The following ASAP3 variants were observed in gnomAD, a reference collection of about 807,000 sequenced individuals.
ASAP3 encodes ArfGAP with SH3 domain, ankyrin repeat and PH domain 3.
In ASAP3, 85 loss-of-function variants were observed where a neutral mutation model predicts 118.2. That is an observed-to-expected ratio of 0.72 (90% confidence interval 0.60 to 0.86). The LOEUF is 0.86. Ranked by LOEUF, ASAP3 falls within the 40% of genes least tolerant of loss-of-function variation. The pLI is 0.00. For missense variants in ASAP3, 1,026 were observed against 1,175.0 expected, an observed-to-expected ratio of 0.87 and a Z score of 1.85; for synonymous variants, 432 against 477.4, an observed-to-expected ratio of 0.90 and a Z score of 1.24.
At chr1:23,434,403 G>A (rs1173614900) in intron 18 of ASAP3, 34 bp from the exon 19 acceptor site, 4 of 1,611,192 alleles carry the variant, frequency 2.5e-6, no homozygotes, top group Non-Finnish European at 3.4e-6. Context: ...GAAAGGAAGG[G>A]GAACAGATCA....
At chr1:23,483,490 A>G (rs1280386719) in intron 1 of ASAP3, among the ~76,000 whole-genome samples, 3 of 152,176 alleles carry the variant, frequency 2.0e-5, no homozygotes, top group Admixed American at 6.5e-5. Context: ...CAGCCCGGCC[A>G]AGGTGAACCC....
At chr1:23,467,803 A>T (rs936569788) in intron 1 of ASAP3, among the ~76,000 whole-genome samples, 1 of 152,052 alleles carries the variant, frequency 6.6e-6, no homozygotes, top group South Asian at 2.1e-4. Context: ...TACAAAAAAA[A>T]TTAGCTGGGT....
At chr1:23,448,420 G>GAC (rs527461245) in intron 5 of ASAP3, among the ~76,000 whole-genome samples, 1 of 152,074 alleles carries the variant, frequency 6.6e-6, no homozygotes, top group South Asian at 2.1e-4. Context: ...TGGCACAAAG[G>GAC]AAACTCTAAA....
At chr1:23,444,096 G>A (rs1045163220) in intron 5 of ASAP3, among the ~76,000 whole-genome samples, 7 of 151,948 alleles carry the variant, frequency 4.6e-5, no homozygotes, top group Admixed American at 2.6e-4. Flanking sequence ...CTTTGAACTC[G>A]GGCCTCAAGT....
Position 23,465,052 on chromosome 1 carries a change from T to A in ASAP3, c.130-8858A>T, listed in dbSNP as rs1227779817. Among the ~76,000 whole-genome samples, 6 of 152,348 alleles carry A rather than the reference T, an allele frequency of 3.9e-5. No individual in the cohort carries two copies. In the East Asian group the frequency reaches 1.2e-3, roughly 29 times the overall value. ...AATTTCCCCATTCATAAAATGAAGATGATAATATTGCGTACCACATAAGGT... is the reference window on the plus strand; with the variant it reads ...AATTTCCCCATTCATAAAATGAAGAAGATAATATTGCGTACCACATAAGGT... On this transcript the variant is annotated intron_variant, in intron 1 of 24. Transcript: ENST00000336689.
At chr1:23,475,671 A>G (rs1490533711) in intron 1 of ASAP3, among the ~76,000 whole-genome samples, 2 of 152,224 alleles carry the variant, frequency 1.3e-5, no homozygotes, top group Non-Finnish European at 2.9e-5. Flanking sequence ...CTATAAAGAT[A>G]TACAGATAGA....
At chr1:23,470,747 T>A (rs1162288396) in intron 1 of ASAP3, among the ~76,000 whole-genome samples, 1 of 152,222 alleles carries the variant, frequency 6.6e-6, no homozygotes, top group East Asian at 1.9e-4. Context: ...CCTGGGCACT[T>A]GTCCAGCCTC....
chr1:23,446,439 C>CT lies in ASAP3; in HGVS notation c.474-3828dup, dbSNP rs11365378. ...ATAAACAATTCATAAGTTTTTTTGTCTTTTTTTTTTTTTTTTTGAGATGGA... is the reference window on the plus strand; with the variant it reads ...ATAAACAATTCATAAGTTTTTTTGTCTTTTTTTTTTTTTTTTTTGAGATGGA... On this transcript the variant is annotated intron_variant, in intron 5 of 24. Transcript: ENST00000336689. 8.7e-3 allele frequency among the ~76,000 whole-genome samples: 1,131 copies of CT among 130,196 alleles called. 19 individuals are homozygous for CT. Among genetic ancestry groups the CT allele is most frequent in the African/African-American group, 0.029 (1,044 of 36,136 alleles). 85.4% of individuals were successfully genotyped at this position (130,196 alleles called of 152,430 possible).
rs150258046 is a variant in ASAP3 at position 23,451,226 on chromosome 1, G to A, written c.473+253C>T. The stretch of plus-strand genomic sequence containing the variant: ...CTAGCTCCTTCCCATCCCTGCCCAT[G>A]TCTGGCACCACTGAGCAGATGGGAC... On this transcript the variant is annotated intron_variant, in intron 5 of 24. Coordinates refer to ENST00000336689, the MANE Select transcript of ASAP3 (RefSeq NM_017707.4). Among the ~76,000 whole-genome samples, 1,223 of 152,310 alleles carry A rather than the reference G, an allele frequency of 8.0e-3. 14 individuals are homozygous for A. The highest frequency in any genetic ancestry group is 0.021 in the African/African-American group (879 of 41,572).
chr1:23,484,262 C>A, upstream of ASAP3: 2 of 904,852 alleles, frequency 2.2e-6, no homozygotes, highest in Non-Finnish European at 2.8e-6. Flanking sequence ...CCGCACGCCC[C>A]GCCCCCGACC....
chr1:23,483,858 G>T, intron 1 of ASAP3, 147 bp downstream of exon 1: 1 of 885,606 alleles, frequency 1.1e-6, no homozygotes, highest in Non-Finnish European at 1.5e-6. Context: ...GCAGCTGTTG[G>T]AGATGCGCTC....
intron 1 of ASAP3, among the ~76,000 whole-genome samples, chr1:23,468,624 G>A (rs999028950): frequency 1.3e-5 from 2 of 152,006 alleles, no homozygotes; most frequent in Admixed American, 6.6e-5. Context: ...TGTAATCCCA[G>A]CACTTTGGGA....
chr1:23,460,198 T>C (rs1015832237), intron 1 of ASAP3, among the ~76,000 whole-genome samples: 2 of 152,068 alleles, frequency 1.3e-5, no homozygotes, highest in Middle Eastern at 3.4e-3. Context: ...TCCAAAACAC[T>C]GACAACACCA....
chr1:23,438,955 AC>A lies in ASAP3; in HGVS notation c.1015-122del. ...TCCTGTTCCATTTGTGTTTCTCCTC[AC>A]CCAGCAGCACCTCAAGGATGTGAAG... On this transcript the variant is annotated intron_variant, in intron 11 of 24. Coordinates refer to ENST00000336689, the MANE Select transcript of ASAP3 (RefSeq NM_017707.4). This position sits in a 1 kb window ranked among gnomAD's most constrained non-coding sequence, Gnocchi z 4.9. 1 of 1,147,236 alleles carries A rather than the reference AC, an allele frequency of 8.7e-7. No individual in the cohort carries two copies. The highest frequency in any genetic ancestry group is 1.3e-6 in the Non-Finnish European group (1 of 785,858). The allele number at this position is 1,147,236 out of a possible 1,614,324, so 71.1% of individuals were successfully genotyped here. A position where few individuals can be genotyped will look rare whatever the true frequency, so the allele number is the denominator to read the frequency against.
intron 11 of ASAP3, 94 bp downstream of exon 11, chr1:23,439,067 C>T: frequency 6.7e-7 from 1 of 1,490,076 alleles, no homozygotes; most frequent in East Asian, 2.3e-5. Context: ...GTTTGGGGGC[C>T]AGTCTTAGAG....
chr1:23,436,509 G>A lies in ASAP3; in HGVS notation c.1571+51C>T, dbSNP rs372607432. 2.0e-5 allele frequency: 32 copies of A among 1,582,648 alleles called. No homozygotes were observed. The East Asian group carries it at 4.7e-4, about 23-fold the overall frequency. On this transcript the variant is annotated intron_variant, in intron 16 of 24. Transcript: ENST00000336689. The surrounding 1 kb of genome is among the most constrained non-coding windows in gnomAD (Gnocchi z 4.2). ...ACTTTTCTACGACCCTGGACACTGC[G>A]GAGGCAGAATCCCCTAGGCAGGGTG...
At position 23,455,878 on chromosome 1, in the gene ASAP3, C is replaced by T. The variant is rs1269689176; in HGVS notation, c.348+3G>A. ...CTGGGCAAGGAAGAGACAGGGGCCT[C>T]ACCAGGTTCTTGAAGAGCGCAGCAA... is the stretch of plus-strand genomic sequence containing the variant. On this transcript the variant is annotated splice_donor_region_variant and intron_variant, in intron 3 of 24. Transcript: ENST00000336689. The T allele has an allele frequency of 6.2e-7, 1 of 1,614,086 alleles. No homozygotes were observed. The highest frequency in any genetic ancestry group is 1.1e-5 in the South Asian group (1 of 91,068).
At chr1:23,442,402 G>A in intron 6 of ASAP3, 99 bp downstream of exon 6, 1 of 1,590,206 alleles carries the variant, frequency 6.3e-7, no homozygotes, top group Non-Finnish European at 8.6e-7. Flanking sequence ...ACAGGGCCAT[G>A]TGGCCAGGAC....
intron 1 of ASAP3, among the ~76,000 whole-genome samples, chr1:23,460,542 C>T (rs1570385626): frequency 6.8e-6 from 1 of 147,460 alleles, no homozygotes; most frequent in Non-Finnish European, 1.5e-5. Context: ...CAAAAACACA[C>T]ACACACACAA....
Sources: gnomAD v4.1 joint callset for allele counts (sites outside exome capture counted in the v4.1 genomes callset) on GRCh38, gnomAD v4.1.1 for gene constraint, Gnocchi (gnomAD v3.1) non-coding constraint, MANE v1.5 for transcripts, NCBI Gene and HGNC (gene_info 2026-07-23, HGNC 2026-07-21) for gene names.